Variants in TF observed in about 807,000 individuals in gnomAD.
TF encodes serotransferrin.
A neutral mutation model predicts 82.4 loss-of-function variants in TF; 55 were observed. The observed-to-expected ratio is 0.67, with a 90% confidence interval of 0.54 to 0.84. The LOEUF (loss-of-function observed/expected upper bound fraction) is 0.84, where lower values mean the gene tolerates loss of function less well. Ranked by LOEUF, TF falls within the 40% of genes least tolerant of loss-of-function variation. TF has a pLI of 0.00. For synonymous variants in TF, 332 were observed against 332.6 expected (o/e 1.00, Z 0.02); for missense variants, 737 against 868.4 (o/e 0.85, Z 1.90).
chr3:133,747,443 A>G (rs1362221581), intron 1 of TF, among the ~76,000 whole-genome samples: 1 of 152,172 alleles, frequency 6.6e-6, no homozygotes, highest in East Asian at 1.9e-4. Context: ...GCCCCTCCTC[A>G]TGCATCCTGG....
At chr3:133,713,921 T>C in the TF span, among the ~76,000 whole-genome samples, 2 of 152,190 alleles carry the variant, frequency 1.3e-5, no homozygotes, top group African/African-American at 4.8e-5. Context: ...CCCAGTCTTC[T>C]GGGGAAAGTA....
chr3:133,786,819 C>T lies in TF; in HGVS notation c.*8199C>T, dbSNP rs567820885. ...TCAAGACTTCTGTGCATATAGTGGA[C>T]GAATTAACTTCTTACCTGAAACATC... On this transcript the variant is annotated 3_prime_UTR_variant, in exon 17 of 17. Transcript: ENST00000402696. The T allele has an allele frequency of 1.4e-4, 22 of 152,260 alleles. No homozygotes were observed. The highest frequency in any genetic ancestry group is 3.3e-4 in the Admixed American group (5 of 15,294). The allele number at this position is 152,260 out of a possible 1,614,324, so 9.4% of individuals were successfully genotyped here.
Position 133,748,417 on chromosome 3 carries a change from T to C in TF, c.49T>C (p.Cys17Arg). The C allele has an allele frequency of 6.2e-7, 1 of 1,614,098 alleles. No individual in the cohort carries two copies. The highest frequency in any genetic ancestry group is 8.5e-7 in the Non-Finnish European group (1 of 1,180,006). ...ALLVCAVLGL[C>R]LAVPDKTVRW... Reference sequence around the variant, plus strand: ...CTCTGGCCTCTCTCCCCCAGGGCTGTGTCTGGCTGTCCCTGATAAAACTGT... The same window carrying C: ...CTCTGGCCTCTCTCCCCCAGGGCTGCGTCTGGCTGTCCCTGATAAAACTGT... Residue 17 changes from cysteine (C) to arginine (R), a missense_variant, in exon 2 of 17, where the codon TGT becomes CGT. Physicochemically the swap from Cys to Arg is radical, Grantham distance 180. Transcript: ENST00000402696.
chr3:133,669,087 G>A, the TF span, among the ~76,000 whole-genome samples: 6 of 151,862 alleles, frequency 4.0e-5, no homozygotes, highest in Middle Eastern at 3.2e-3. Flanking sequence ...TGCAACCTCC[G>A]CCTCCCGGGT....
the TF span, among the ~76,000 whole-genome samples, chr3:133,688,959 A>G: frequency 6.6e-6 from 1 of 152,222 alleles, no homozygotes; most frequent in Non-Finnish European, 1.5e-5. Flanking sequence ...TTGTTATCTC[A>G]TTTACATTTA....
At chr3:133,687,201 G>T in the TF span, among the ~76,000 whole-genome samples, 3 of 152,104 alleles carry the variant, frequency 2.0e-5, no homozygotes, top group African/African-American at 4.8e-5. Flanking sequence ...GTTTTGGAGT[G>T]GGGGGAGGGG....
At chr3:133,695,152 A>G in the TF span, among the ~76,000 whole-genome samples, 2 of 151,762 alleles carry the variant, frequency 1.3e-5, no homozygotes, top group African/African-American at 2.4e-5. Flanking sequence ...GAGGGGCTGC[A>G]TGGGGGAGAA....
the TF span, among the ~76,000 whole-genome samples, chr3:133,691,309 T>C: frequency 6.6e-6 from 1 of 152,206 alleles, no homozygotes; most frequent in Non-Finnish European, 1.5e-5. Context: ...TGGATGGAAA[T>C]ATTCTACAAT....
At chr3:133,662,142 G>T in the TF span, 1 of 152,370 alleles carries the variant, frequency 6.6e-6, no homozygotes, top group Admixed American at 6.5e-5. Flanking sequence ...GCCCAGCGCC[G>T]TCGGTTCAAG....
chr3:133,717,949 T>A, the TF span, among the ~76,000 whole-genome samples: 1 of 152,074 alleles, frequency 6.6e-6, no homozygotes, highest in Non-Finnish European at 1.5e-5. Flanking sequence ...ACATTTCAAA[T>A]CACTGGGGAA....
chr3:133,722,419 C>T, the TF span, among the ~76,000 whole-genome samples: 12 of 152,156 alleles, frequency 7.9e-5, no homozygotes, highest in African/African-American at 2.9e-4. Flanking sequence ...AAGGCTGTTA[C>T]TGATAGATAA....
the TF span, among the ~76,000 whole-genome samples, chr3:133,695,311 G>T: frequency 7.1e-6 from 1 of 140,976 alleles, no homozygotes; most frequent in Non-Finnish European, 1.5e-5. Context: ...GCAGTGGCAT[G>T]ATCTCGGCTT....
the TF span, among the ~76,000 whole-genome samples, chr3:133,663,697 C>T: frequency 1.3e-5 from 2 of 152,092 alleles, no homozygotes; most frequent in Non-Finnish European, 2.9e-5. Context: ...GTCACTTGCC[C>T]GTGCCTTTCC....
chr3:133,663,198 T>G, the TF span, among the ~76,000 whole-genome samples: 1 of 152,194 alleles, frequency 6.6e-6, no homozygotes, highest in African/African-American at 2.4e-5. Flanking sequence ...AAGCTTTTTG[T>G]TCCTTGGCTA....
At chr3:133,732,587 C>G in the TF span, among the ~76,000 whole-genome samples, 2 of 152,224 alleles carry the variant, frequency 1.3e-5, no homozygotes, top group Non-Finnish European at 2.9e-5. Context: ...CTGCTGCGCA[C>G]TGTTTGGGTC....
intron 13 of TF, among the ~76,000 whole-genome samples, chr3:133,769,726 C>T (rs1477390259): frequency 1.3e-5 from 2 of 152,178 alleles, no homozygotes; most frequent in African/African-American, 4.8e-5. Flanking sequence ...GTCCAAAAGT[C>T]CAACCCACTC....
At chr3:133,664,631 C>T in the TF span, among the ~76,000 whole-genome samples, 255 of 152,216 alleles carry the variant, frequency 1.7e-3, 3 homozygotes, top group Non-Finnish European at 5.0e-4. Context: ...CTCCCATGTA[C>T]TTTAAATAAT....
At chr3:133,720,124 T>C in the TF span, among the ~76,000 whole-genome samples, 5 of 152,108 alleles carry the variant, frequency 3.3e-5, no homozygotes, top group Non-Finnish European at 7.4e-5. Context: ...TACTAGTATT[T>C]CCAATATTAA....
At chr3:133,718,804 C>T in the TF span, among the ~76,000 whole-genome samples, 2 of 152,152 alleles carry the variant, frequency 1.3e-5, no homozygotes, top group African/African-American at 4.8e-5. Flanking sequence ...AGTTAAGGAT[C>T]AGGAAGGTTT....
Sources: gnomAD v4.1 joint callset for allele counts (sites outside exome capture counted in the v4.1 genomes callset) on GRCh38, gnomAD v4.1.1 for gene constraint, MANE v1.5 for transcripts, NCBI Gene and HGNC (gene_info 2026-07-23, HGNC 2026-07-21) for gene names.